The following TRIM27 variants were observed in gnomAD, a reference collection of about 807,000 sequenced individuals.
The protein encoded by TRIM27 is zinc finger protein RFP.
TRIM27 carries 12 observed loss-of-function variants against 57.6 expected under a neutral mutation model. The observed-to-expected ratio is 0.21, with a 90% CI of 0.13 to 0.34. TRIM27 has a LOEUF of 0.34. TRIM27 is among the 10% of genes least tolerant of loss of function. TRIM27 has a pLI of 1.00. For missense variants in TRIM27, 403 were observed against 656.8 expected, an observed-to-expected ratio of 0.61 and a Z score of 4.22; for synonymous variants, 266 against 259.0, an observed-to-expected ratio of 1.03 and a Z score of -0.26.
Position 28,904,411 on chromosome 6 carries a change from C to A in TRIM27, c.1201G>T (p.Ala401Ser). The A allele has an allele frequency of 6.2e-7, 1 of 1,613,064 alleles. No individual in the cohort carries two copies. The highest frequency in any genetic ancestry group is 8.5e-7 in the Non-Finnish European group (1 of 1,180,030). Reference sequence around the variant, plus strand: ...ACTGCCCAGAATCCATTCTGGGGGGCTGAGGTTACTCCACCTTTTCTGCAC... The same window carrying A: ...ACTGCCCAGAATCCATTCTGGGGGGATGAGGTTACTCCACCTTTTCTGCAC... ...SVCRKGGVTS[A>S]PQNGFWAVSL... The change falls in exon 8 of 8, where the codon GCC becomes TCC. Residue 401 changes from alanine (A) to serine (S), a missense_variant. Physicochemically the swap from Ala to Ser is moderately conservative, Grantham distance 99 (BLOSUM62 1). Coordinates refer to ENST00000377199, the MANE Select transcript of TRIM27 (RefSeq NM_006510.5). The surrounding 1 kb of genome is among the most constrained non-coding windows in gnomAD (Gnocchi z 6.1).
chr6:28,905,599 C>A, intron 7 of TRIM27: 1 of 152,606 alleles, frequency 6.6e-6, no homozygotes, highest in South Asian at 1.9e-4. Flanking sequence ...CTCTGTCACC[C>A]AGACTGTAGT....
chr6:28,922,573 TC>T (rs572667368), intron 1 of TRIM27, among the ~76,000 whole-genome samples: 36 of 152,224 alleles, frequency 2.4e-4, no homozygotes, highest in Non-Finnish European at 4.7e-4. Context: ...TATCATGGAC[TC>T]CTTGAAGGTC....
At chr6:28,907,672 G>A (rs1442434155) in intron 6 of TRIM27, 1 of 484,662 alleles carries the variant, frequency 2.1e-6, no homozygotes, top group Non-Finnish European at 4.1e-6. Context: ...CTGACACTCT[G>A]GGGTAAACAT....
Position 28,923,459 on chromosome 6 carries a change from C to A in TRIM27, c.174G>T (p.Glu58Asp). The change falls in exon 1 of 8, where the codon GAG becomes GAT. Residue 58 changes from glutamate (E) to aspartate (D), a missense_variant. Physicochemically the swap from Glu to Asp is conservative, Grantham distance 45. Coordinates refer to ENST00000377199, the MANE Select transcript of TRIM27 (RefSeq NM_006510.5). ...ETNVSCPQCR[E>D]TFPQRHMRPN... ...GCCGCATGTGCCTCTGCGGGAAGGT[C>A]TCCCGGCACTGCGGGCACGACACGT... The A allele has an allele frequency of 6.2e-7, 1 of 1,612,268 alleles. No homozygotes were observed. The highest frequency in any genetic ancestry group is 8.5e-7 in the Non-Finnish European group (1 of 1,179,586).
At chr6:28,911,783 A>G in intron 3 of TRIM27, 65 bp from the exon 4 acceptor site, 3 of 1,559,554 alleles carry the variant, frequency 1.9e-6, no homozygotes, top group South Asian at 2.3e-5. Flanking sequence ...TCTTTCACAG[A>G]TGTTTGTTGA....
intron 1 of TRIM27, among the ~76,000 whole-genome samples, chr6:28,922,742 G>A (rs764112793): frequency 6.6e-6 from 1 of 152,148 alleles, no homozygotes; most frequent in East Asian, 1.9e-4. Context: ...CTCCAGCAGC[G>A]AAAAGCTGTT....
At position 28,904,082 on chromosome 6, in the gene TRIM27, CT is replaced by C; in HGVS notation, c.1529del (p.Glu510GlyfsTer17). 3 of 1,612,710 alleles carry C rather than the reference CT, an allele frequency of 1.9e-6. No homozygotes were observed. Among genetic ancestry groups the C allele is most frequent in the Non-Finnish European group, 2.5e-6 (3 of 1,179,818 alleles). ...TGAATTCACCTCCTCAAGGGGAGGTCTCCATGGAATGACCATGATTCCCAAC... is the reference window on the plus strand; with the variant it reads ...TGAATTCACCTCCTCAAGGGGAGGTCCCATGGAATGACCATGATTCCCAAC... ...GHVGNHGHSMETSP is the reference protein window; with the variant it reads ...GHVGNHGHSMXTSP On this transcript the variant is annotated frameshift_variant, in exon 8 of 8. Transcript: ENST00000377199. LOFTEE classifies it high-confidence loss of function. This position sits in a 1 kb window ranked among gnomAD's most constrained non-coding sequence, Gnocchi z 6.1.
At chr6:28,910,721 A>T (rs1773139821) in intron 4 of TRIM27, among the ~76,000 whole-genome samples, 2 of 152,104 alleles carry the variant, frequency 1.3e-5, no homozygotes, top group Admixed American at 6.5e-5. Flanking sequence ...AATGTCACAA[A>T]CTGCTAGGGT....
rs9280508 is a variant in TRIM27 at position 28,914,581 on chromosome 6, TGG to T, written c.748-2865_748-2864del. 4.2e-3 allele frequency among the ~76,000 whole-genome samples: 164 copies of T among 38,956 alleles called. 3 individuals carry two copies. Among genetic ancestry groups the T allele is most frequent in the African/African-American group, 0.014 (159 of 11,074 alleles). 25.6% of individuals were successfully genotyped at this position (38,956 alleles called of 152,430 possible). ...GGTATTTTTATTGAAATTGCAAGGG[TGG>T]GGGGGGGGGGATGAGGGATAACAGA... On this transcript the variant is annotated intron_variant, in intron 3 of 7. Coordinates refer to ENST00000377199, the MANE Select transcript of TRIM27 (RefSeq NM_006510.5).
rs1772967819 is a variant in TRIM27, at chr6:28,908,850, G to C, written c.887-10C>G. The stretch of plus-strand genomic sequence containing the variant: ...TCTGACTGCATTTTTTCTAAGAAAA[G>C]AAAACAAGAAAATATTCAGTCTGCA... On this transcript the variant is annotated splice_polypyrimidine_tract_variant and intron_variant, in intron 5 of 7. Transcript: ENST00000377199. 3 of 1,613,086 alleles carry C rather than the reference G, an allele frequency of 1.9e-6. No homozygotes were observed. Among genetic ancestry groups the C allele is most frequent in the Non-Finnish European group, 2.5e-6 (3 of 1,179,580 alleles).
At chr6:28,916,643 G>A (rs1379191060) in intron 3 of TRIM27, among the ~76,000 whole-genome samples, 1 of 151,968 alleles carries the variant, frequency 6.6e-6, no homozygotes, top group Non-Finnish European at 1.5e-5. Flanking sequence ...CTAATCCATA[G>A]AGCCAGGAGT....
Position 28,923,748 on chromosome 6 carries a change from G to A in TRIM27, c.-116C>T. The stretch of plus-strand genomic sequence containing the variant: ...TCCTGAGAGGCACCGGGCGGACGGA[G>A]GGCGGCGCCTCCCGGGCCCGTATCC... On this transcript the variant is annotated 5_prime_UTR_variant, in exon 1 of 8. Coordinates refer to ENST00000377199, the MANE Select transcript of TRIM27 (RefSeq NM_006510.5). 8.3e-7 allele frequency: 1 copy of A among 1,206,078 alleles called. No individual in the cohort carries two copies. Among genetic ancestry groups the A allele is most frequent in the Non-Finnish European group, 1.1e-6 (1 of 893,540 alleles). The allele number at this position is 1,206,078 out of a possible 1,614,324, so 74.7% of individuals were successfully genotyped here.
At chr6:28,907,085 C>A (rs1338624116) in intron 7 of TRIM27, 151 bp downstream of exon 7, 18 of 667,702 alleles carry the variant, frequency 2.7e-5, no homozygotes, top group Non-Finnish European at 3.5e-5. Context: ...ATAGAAACAA[C>A]TGAGGATTTT....
Position 28,907,219 on chromosome 6 carries a change from T to A in TRIM27, c.946+17A>T. On this transcript the variant is annotated intron_variant, in intron 7 of 7. Coordinates refer to ENST00000377199, the MANE Select transcript of TRIM27 (RefSeq NM_006510.5). ...TTTACTCCTTACCCTAATATGGTTT[T>A]GTCTCTCATCACCTACCTGAGTATA... 1.2e-6 allele frequency: 2 copies of A among 1,607,680 alleles called. No homozygotes were observed. The highest frequency in any genetic ancestry group is 2.2e-5 in the South Asian group (2 of 89,914).
intron 6 of TRIM27, chr6:28,908,427 G>A (rs1211613373): frequency 5.0e-6 from 1 of 201,354 alleles, no homozygotes; most frequent in African/African-American, 2.3e-5. Context: ...GCCCGAGCTG[G>A]CACCTGTGCC....
chr6:28,913,966 T>C (rs1332938802), intron 3 of TRIM27, among the ~76,000 whole-genome samples: 2 of 148,390 alleles, frequency 1.3e-5, no homozygotes, highest in Non-Finnish European at 3.0e-5. Context: ...TATGGTGTAG[T>C]ATCTAGTAGG....
intron 3 of TRIM27, among the ~76,000 whole-genome samples, chr6:28,917,240 C>A (rs571786169): frequency 6.6e-6 from 1 of 152,064 alleles, no homozygotes; most frequent in African/African-American, 2.4e-5. Context: ...TCAGTGCCCA[C>A]GCCAGAGCAG....
At chr6:28,920,360 C>G in intron 2 of TRIM27, 118 bp from the exon 3 acceptor site, 2 of 792,844 alleles carry the variant, frequency 2.5e-6, no homozygotes, top group Non-Finnish European at 3.9e-6. Flanking sequence ...AAGCACAGTG[C>G]TAACTCATTA....
chr6:28,918,830 C>T (rs1056450848), intron 3 of TRIM27, among the ~76,000 whole-genome samples: 3 of 151,036 alleles, frequency 2.0e-5, no homozygotes, highest in South Asian at 2.1e-4. Context: ...GAGCCAAGAT[C>T]GCACCACTGC....
Sources: gnomAD v4.1 joint callset for allele counts (sites outside exome capture counted in the v4.1 genomes callset) on GRCh38, gnomAD v4.1.1 for gene constraint, Gnocchi (gnomAD v3.1) non-coding constraint, MANE v1.5 for transcripts, NCBI Gene and HGNC (gene_info 2026-07-23, HGNC 2026-07-21) for gene names.